RBFOX1: variants seen among roughly 807,000 people sequenced by gnomAD.
RBFOX1 encodes RNA binding protein fox-1 homolog 1.
A neutral mutation model predicts 57.7 loss-of-function variants in RBFOX1; 8 were observed. The observed-to-expected ratio is 0.14, with a 90% confidence interval of 0.08 to 0.25. The LOEUF is 0.25. Among genes scored for constraint, RBFOX1 ranks in the 10% least tolerant of loss-of-function variants. RBFOX1 has a pLI of 1.00. For synonymous variants in RBFOX1, 326 were observed against 222.4 expected, an observed-to-expected ratio of 1.47 and a Z score of -4.15; for missense variants, 611 against 548.5, an observed-to-expected ratio of 1.11 and a Z score of -1.14.
chr16:5,679,374 A>T (rs6500713), intron 3 of RBFOX1, among the ~76,000 whole-genome samples: 147,149 of 152,016 alleles, frequency 0.97, 71,242 homozygotes, highest in East Asian at 1. Context: ...CTGGGATACA[A>T]GTACAGAATG....
At chr16:7,128,818 CTTTTTTT>C (rs759893956) in intron 4 of RBFOX1, among the ~76,000 whole-genome samples, 4 of 126,926 alleles carry the variant, frequency 3.2e-5, no homozygotes, top group South Asian at 2.6e-4. Context: ...TTTCTTTTTA[CTTTTTTT>C]TTTTTTTTTT....
chr16:6,584,071 A>G (rs2097572820), intron 2 of RBFOX1, among the ~76,000 whole-genome samples: 1 of 151,842 alleles, frequency 6.6e-6, no homozygotes, highest in Non-Finnish European at 1.5e-5. Flanking sequence ...AATAAAGTCA[A>G]CTGCAAATAC....
intron 1 of RBFOX1, among the ~76,000 whole-genome samples, chr16:6,226,924 C>G (rs987394922): frequency 3.0e-5 from 4 of 135,474 alleles, no homozygotes; most frequent in African/African-American, 1.1e-4. Context: ...GCCCGGCCAA[C>G]ATGATGAAAC....
chr16:6,726,118 A>G (rs2067111413), intron 3 of RBFOX1, among the ~76,000 whole-genome samples: 1 of 152,214 alleles, frequency 6.6e-6, no homozygotes, highest in Non-Finnish European at 1.5e-5. Context: ...TTTGTTACAC[A>G]GAGCCAGGAG....
At chr16:6,377,145 T>C (rs1173108923) in intron 2 of RBFOX1, among the ~76,000 whole-genome samples, 1 of 151,834 alleles carries the variant, frequency 6.6e-6, no homozygotes, top group Non-Finnish European at 1.5e-5. Flanking sequence ...CACGGTGGCC[T>C]GTGCCTGTAG....
chr16:7,614,191 T>C (rs1476597941), intron 10 of RBFOX1: 1 of 152,216 alleles, frequency 6.6e-6, no homozygotes, highest in Non-Finnish European at 1.5e-5. Context: ...CAAATTCAAA[T>C]GCAGTGCACT....
chr16:6,919,436 C>G (rs1186547158), intron 3 of RBFOX1, among the ~76,000 whole-genome samples: 2 of 139,580 alleles, frequency 1.4e-5, no homozygotes, highest in African/African-American at 2.7e-5. Flanking sequence ...CTCCCCCAAA[C>G]TGGAACATAG....
intron 5 of RBFOX1, 48 bp from the exon 6 acceptor site, chr16:7,579,729 G>T: frequency 6.2e-7 from 1 of 1,610,480 alleles, no homozygotes; most frequent in Non-Finnish European, 8.5e-7. Context: ...TCGGAAGAGA[G>T]CACTGTGGTC....
At chr16:7,256,902 A>G (rs375634720) in intron 4 of RBFOX1, among the ~76,000 whole-genome samples, 21 of 152,040 alleles carry the variant, frequency 1.4e-4, no homozygotes, top group African/African-American at 4.6e-4. Flanking sequence ...CACCCGGGAA[A>G]CCTACCCAAG....
intron 1 of RBFOX1, among the ~76,000 whole-genome samples, chr16:6,103,792 A>G (rs1378814682): frequency 6.6e-6 from 1 of 152,160 alleles, no homozygotes; most frequent in South Asian, 2.1e-4. Context: ...ACAGAGTAGC[A>G]TGGGAAAGAG....
chr16:5,839,455 T>C (rs75130935), intron 3 of RBFOX1, among the ~76,000 whole-genome samples: 1,649 of 152,312 alleles, frequency 0.011, 23 homozygotes, highest in Middle Eastern at 0.034. Flanking sequence ...CTGGTCCTGA[T>C]TCACCAGATG....
chr16:5,659,142 C>G (rs1360082332), intron 3 of RBFOX1, among the ~76,000 whole-genome samples: 2 of 151,976 alleles, frequency 1.3e-5, no homozygotes, highest in African/African-American at 4.8e-5. Context: ...GAAGTGTTCC[C>G]TGTTCACCGC....
chr16:5,318,509 C>T (rs2064305106), intron 1 of RBFOX1, among the ~76,000 whole-genome samples: 1 of 152,100 alleles, frequency 6.6e-6, no homozygotes, highest in African/African-American at 2.4e-5. Context: ...GATGCCTGTC[C>T]CCTCCCTGCA....
At chr16:6,497,978 G>A (rs573055246) in intron 2 of RBFOX1, among the ~76,000 whole-genome samples, 1 of 152,100 alleles carries the variant, frequency 6.6e-6, no homozygotes, top group African/African-American at 2.4e-5. Context: ...GCCAGGCACA[G>A]TGGTTCATGC....
intron 2 of RBFOX1, among the ~76,000 whole-genome samples, chr16:6,603,275 G>C (rs914501878): frequency 6.6e-6 from 1 of 152,148 alleles, no homozygotes; most frequent in African/African-American, 2.4e-5. Context: ...CCGGGGAAAG[G>C]CAGCCCACAT....
chr16:7,375,768 C>G (rs1029689278), intron 4 of RBFOX1, among the ~76,000 whole-genome samples: 2 of 152,094 alleles, frequency 1.3e-5, no homozygotes, highest in Non-Finnish European at 1.5e-5. Flanking sequence ...GGTTCCTTTC[C>G]TACTCTCTCT....
rs143825445 is a variant in RBFOX1 at position 5,710,050 on chromosome 16, A to G, written c.318+111089A>G. Among the ~76,000 whole-genome samples the G allele has an allele frequency of 1.6e-3, 239 of 150,662 alleles. 1 individual carries two copies. Among genetic ancestry groups the G allele is most frequent in the African/African-American group, 5.5e-3 (223 of 40,884 alleles). On this transcript the variant is annotated intron_variant, in intron 3 of 19. Transcript: ENST00000641259. ...AGGGTTTTGTGATTTTTAAGTGCCCATGTATCTTCAGCACCCGGGACAGCT... is the reference window on the plus strand; with the variant it reads ...AGGGTTTTGTGATTTTTAAGTGCCCGTGTATCTTCAGCACCCGGGACAGCT...
In RBFOX1 at chr16:5,495,865, C is replaced by G. The variant is rs139365362; in HGVS notation, c.258+28611C>G. Among the ~76,000 whole-genome samples, 1,102 of 152,362 alleles carry G rather than the reference C, an allele frequency of 7.2e-3. 16 individuals carry two copies. The highest frequency in any genetic ancestry group is 0.025 in the African/African-American group (1,037 of 41,586). ...TAAGGGCTGAGCATGGTGGCTCACG[C>G]CTGTAATCCCGGCACTGTGGGAGGC... On this transcript the variant is annotated intron_variant, in intron 2 of 2. Transcript: ENST00000585867.
At chr16:5,353,230 T>G (rs2065304037) in intron 1 of RBFOX1, among the ~76,000 whole-genome samples, 15 of 151,956 alleles carry the variant, frequency 9.9e-5, no homozygotes, top group Admixed American at 9.8e-4. Context: ...ATACAAAAAT[T>G]AGCCAGGTGT....
Sources: allele counts gnomAD v4.1 joint callset (sites outside exome capture counted in the v4.1 genomes callset), GRCh38; gene constraint gnomAD v4.1.1; transcripts MANE v1.5; gene names NCBI Gene and HGNC (gene_info 2026-07-23, HGNC 2026-07-21).